The following TAOK3 variants were observed in gnomAD, a reference collection of about 807,000 sequenced individuals.
The protein encoded by TAOK3 is TAO kinase 3.
TAOK3 carries 40 observed loss-of-function variants against 120.4 expected under a neutral mutation model. That is an observed-to-expected ratio of 0.33 (90% confidence interval 0.26 to 0.43). The LOEUF is 0.43. Among genes scored for constraint, TAOK3 ranks in the 20% least tolerant of loss-of-function variants. The probability of loss-of-function intolerance (pLI) is 1.00; values close to 1 mark genes in which losing one functional copy is unlikely to be tolerated. For missense variants in TAOK3, 821 were observed against 1,112.1 expected, an observed-to-expected ratio of 0.74 and a Z score of 3.72; for synonymous variants, 355 against 387.5, an observed-to-expected ratio of 0.92 and a Z score of 0.99.
Position 118,181,531 on chromosome 12 carries a change from C to T in TAOK3, c.1406G>A (p.Arg469His). The T allele has an allele frequency of 1.2e-6, 2 of 1,614,192 alleles. No individual in the cohort carries two copies. Among genetic ancestry groups the T allele is most frequent in the Non-Finnish European group, 1.7e-6 (2 of 1,180,038 alleles). The part of the protein sequence containing the change: ...EQMSGYKRMR[R>H]QHQKQLIALE... ...GGCGATCAGCTGCTTCTGGTGCTGG[C>T]GCCGCATCCGCTTATAACCTGACAT... The change falls in exon 15 of 21, where the codon CGC becomes CAC. Residue 469 changes from arginine to histidine, a missense_variant. Around this residue, in one of 2 missense-constraint regions of TAOK3, gnomAD observed 354 missense variants for 572.1 expected, o/e 0.62. Coordinates refer to ENST00000392533, the MANE Select transcript of TAOK3 (RefSeq NM_016281.4).
intron 20 of TAOK3, among the ~76,000 whole-genome samples, chr12:118,151,771 T>G (rs2034461127): frequency 6.6e-6 from 1 of 152,238 alleles, no homozygotes; most frequent in Non-Finnish European, 1.5e-5. Flanking sequence ...TGGGATAACA[T>G]TTATGCATGG....
intron 2 of TAOK3, among the ~76,000 whole-genome samples, chr12:118,259,866 C>G (rs2041149222): frequency 6.6e-6 from 1 of 152,070 alleles, no homozygotes; most frequent in Non-Finnish European, 1.5e-5. Context: ...GCAAAGGGTT[C>G]CCCTCAAGTC....
At chr12:118,352,786 C>A (rs1004223169) in intron 1 of TAOK3, among the ~76,000 whole-genome samples, 3 of 152,270 alleles carry the variant, frequency 2.0e-5, no homozygotes, top group Non-Finnish European at 2.9e-5. Context: ...TCTTGGCTCA[C>A]TGCAACTTCC....
chr12:118,307,182 G>GT (rs1438244254), intron 1 of TAOK3, among the ~76,000 whole-genome samples: 5 of 152,104 alleles, frequency 3.3e-5, no homozygotes, highest in South Asian at 2.1e-4. Context: ...TTTGAGCACG[G>GT]TTTTTTACCA....
intron 1 of TAOK3, among the ~76,000 whole-genome samples, chr12:118,352,419 C>A (rs533575977): frequency 1.0e-3 from 157 of 151,310 alleles, no homozygotes; most frequent in African/African-American, 3.6e-3. Flanking sequence ...TAGGGAGAAT[C>A]GCTTGAACCT....
At position 118,157,257 on chromosome 12, in the gene TAOK3, C is replaced by T. The variant is rs1237329020; in HGVS notation, c.2352+2889G>A. ...ATCATCTCCTAATATCCATTCTTCC[C>T]ATCTCCCAGGCCATTCTCCATGTCA... On this transcript the variant is annotated intron_variant, in intron 19 of 20. Coordinates refer to ENST00000392533, the MANE Select transcript of TAOK3 (RefSeq NM_016281.4). Among the ~76,000 whole-genome samples the T allele has an allele frequency of 6.6e-5, 10 of 152,300 alleles. No homozygotes were observed. In the East Asian group the frequency reaches 1.9e-3, roughly 29 times the overall value.
chr12:118,343,187 G>A (rs981983605), intron 1 of TAOK3, among the ~76,000 whole-genome samples: 2 of 151,942 alleles, frequency 1.3e-5, no homozygotes, highest in Non-Finnish European at 1.5e-5. Flanking sequence ...CAGCACTTTG[G>A]GAGGCTGAGA....
chr12:118,338,207 G>A (rs982007048), intron 1 of TAOK3, among the ~76,000 whole-genome samples: 14 of 152,138 alleles, frequency 9.2e-5, no homozygotes, highest in African/African-American at 3.1e-4. Context: ...GAAGATGGAA[G>A]GTGGGCAATA....
At chr12:118,298,279 A>C (rs1432485951) in intron 1 of TAOK3, among the ~76,000 whole-genome samples, 5 of 152,234 alleles carry the variant, frequency 3.3e-5, no homozygotes, top group Admixed American at 3.3e-4. Flanking sequence ...TCACCTGAGC[A>C]TCTTGTTAAA....
At chr12:118,243,874 T>G (rs1197062949) in intron 4 of TAOK3, among the ~76,000 whole-genome samples, 1 of 152,228 alleles carries the variant, frequency 6.6e-6, no homozygotes, top group Non-Finnish European at 1.5e-5. Context: ...AGACGAGGTT[T>G]CTCCGTGTTG....
intron 1 of TAOK3, among the ~76,000 whole-genome samples, chr12:118,312,463 C>A (rs966930546): frequency 6.6e-6 from 1 of 152,120 alleles, no homozygotes; most frequent in Admixed American, 6.6e-5. Context: ...ATACCTTGGA[C>A]AACTAAAATA....
chr12:118,306,814 C>T (rs2043068710), intron 1 of TAOK3, among the ~76,000 whole-genome samples: 1 of 152,178 alleles, frequency 6.6e-6, no homozygotes, highest in African/African-American at 2.4e-5. Flanking sequence ...GTTTGTTCTG[C>T]TTCATCAGTA....
At chr12:118,307,761 T>C (rs1339248633) in intron 1 of TAOK3, among the ~76,000 whole-genome samples, 1 of 152,154 alleles carries the variant, frequency 6.6e-6, no homozygotes, top group Non-Finnish European at 1.5e-5. Context: ...ACAAAAGTTC[T>C]GAATGCTGAC....
Position 118,356,377 on chromosome 12 carries a change from G to A in TAOK3, c.-194+16271C>T, listed in dbSNP as rs1449914360. ...TGCAGTGGCACAATCTCAGCTCACC[G>A]CAACCTCCGCCTCCCAGGTTCAAGT... On this transcript the variant is annotated intron_variant, in intron 1 of 20. Coordinates refer to ENST00000392533, the MANE Select transcript of TAOK3 (RefSeq NM_016281.4). 1.6e-4 allele frequency among the ~76,000 whole-genome samples: 22 copies of A among 134,982 alleles called. No homozygotes were observed. The Admixed American group carries it at 1.8e-3, about 11-fold the overall frequency. 88.6% of individuals were successfully genotyped at this position (134,982 alleles called of 152,430 possible).
chr12:118,258,454 C>T (rs1367904560), intron 2 of TAOK3, among the ~76,000 whole-genome samples: 1 of 152,166 alleles, frequency 6.6e-6, no homozygotes. Flanking sequence ...TGGCTTACAC[C>T]TGTAATCCCA....
At chr12:118,367,783 G>A (rs913117021) in intron 1 of TAOK3, among the ~76,000 whole-genome samples, 1 of 151,062 alleles carries the variant, frequency 6.6e-6, no homozygotes, top group Non-Finnish European at 1.5e-5. Flanking sequence ...TTTTTTGGCG[G>A]GGGGTGGGGA....
chr12:118,175,692 C>T (rs1157813688), intron 16 of TAOK3, among the ~76,000 whole-genome samples: 2 of 151,932 alleles, frequency 1.3e-5, no homozygotes, highest in African/African-American at 4.8e-5. Flanking sequence ...AAACAATGCG[C>T]CATATTGAAT....
At chr12:118,275,434 G>A (rs1252489335) in intron 1 of TAOK3, among the ~76,000 whole-genome samples, 1 of 152,076 alleles carries the variant, frequency 6.6e-6, no homozygotes. Flanking sequence ...GTGCCTGGCT[G>A]CCCCATTATT....
At chr12:118,199,515 CCT>C (rs1206012815) in intron 12 of TAOK3, 3 of 520,814 alleles carry the variant, frequency 5.8e-6, no homozygotes, top group African/African-American at 5.8e-5. Context: ...AGGGCTTTCC[CCT>C]GTCATACACA....
Sources: gnomAD v4.1 joint callset for allele counts (sites outside exome capture counted in the v4.1 genomes callset) on GRCh38, gnomAD v4.1.1 for gene constraint, gnomAD v4.1.1 regional missense constraint, MANE v1.5 for transcripts, NCBI Gene and HGNC (gene_info 2026-07-23, HGNC 2026-07-21) for gene names.